The following GSE1 variants were observed in gnomAD, a reference collection of about 807,000 sequenced individuals.
The protein encoded by GSE1 is Gse1 coiled-coil protein, also known as genetic suppressor element 1.
In GSE1, 32 loss-of-function variants were observed where a neutral mutation model predicts 112.6. The ratio of observed to expected loss-of-function variants is 0.28; its 90% CI spans 0.21 to 0.38. GSE1 has a LOEUF of 0.38. GSE1 is among the 10% of genes least tolerant of loss of function. The pLI is 1.00. For synonymous variants in GSE1, 1,115 were observed against 735.6 expected (o/e 1.52, Z -8.35); for missense variants, 2,348 against 1,699.2 (o/e 1.38, Z -6.71).
At chr16:85,422,513 C>T (rs896548165) in intron 2 of GSE1, among the ~76,000 whole-genome samples, 40 of 151,230 alleles carry the variant, frequency 2.6e-4, no homozygotes, top group Non-Finnish European at 1.5e-4. Context: ...GGAGGAGCAG[C>T]GTGCGGGAGT....
intron 1 of GSE1, among the ~76,000 whole-genome samples, chr16:85,259,177 G>A (rs984125224): frequency 5.9e-5 from 9 of 152,118 alleles, no homozygotes; most frequent in African/African-American, 2.2e-4. Context: ...GTCACCAGGG[G>A]CGGGGGCTCG....
rs140144665 is a variant in GSE1, at chr16:85,633,961, G to A, written c.55G>A (p.Ala19Thr). The change falls in exon 2 of 16, where the codon GCG (alanine) becomes ACG (threonine). Residue 19 changes from alanine to threonine, a missense_variant. By Grantham distance (58) the Ala-to-Thr change is moderately conservative (BLOSUM62 0). Transcript: ENST00000253458. The part of the protein sequence containing the change: ...KSPSLGMLST[A>T]TRTTATVNPL... ...CCCTTCGCTAGGGATGCTTTCCACC[G>A]CGACCAGGACCACCGCCACCGTCAA... 6.0e-5 allele frequency: 97 copies of A among 1,612,906 alleles called. No homozygotes were observed. Among genetic ancestry groups the A allele is most frequent in the Non-Finnish European group, 7.6e-5 (90 of 1,179,718 alleles).
At chr16:85,576,997 C>A (rs1162594290) in intron 1 of GSE1, among the ~76,000 whole-genome samples, 1 of 152,162 alleles carries the variant, frequency 6.6e-6, no homozygotes, top group Non-Finnish European at 1.5e-5. Flanking sequence ...TTGATTATCA[C>A]AGTCAGGACG....
At chr16:85,459,747 G>A (rs543180593) in intron 2 of GSE1, among the ~76,000 whole-genome samples, 4 of 152,204 alleles carry the variant, frequency 2.6e-5, no homozygotes, top group Non-Finnish European at 5.9e-5. Flanking sequence ...CGTGGCCTCG[G>A]GCAAGTCACT....
intron 13 of GSE1, among the ~76,000 whole-genome samples, chr16:85,666,917 G>A (rs1378345148): frequency 6.6e-6 from 1 of 152,234 alleles, no homozygotes; most frequent in Non-Finnish European, 1.5e-5. Flanking sequence ...AACAAAACTT[G>A]AATTTGCCAA....
In GSE1 at chr16:85,192,913, A is replaced by AC. The variant is rs531206388; in HGVS notation, c.2283+21110dup. Among the ~76,000 whole-genome samples, 16 of 152,192 alleles carry AC rather than the reference A, an allele frequency of 1.1e-4. No individual in the cohort carries two copies. The South Asian group carries it at 3.3e-3, about 32-fold the overall frequency. On this transcript the variant is annotated intron_variant, in intron 1 of 2. Transcript: ENST00000637419. ...GTAAATGCCCTCGCAAACAAGAGTG[A>AC]CCCCTGTTCTTGGTTCTGCTGGCTG...
At chr16:85,222,414 G>A (rs915408435) in intron 1 of GSE1, among the ~76,000 whole-genome samples, 4 of 152,162 alleles carry the variant, frequency 2.6e-5, no homozygotes, top group Non-Finnish European at 5.9e-5. Flanking sequence ...AAATGGGGTC[G>A]GCACATTCCA....
chr16:85,400,761 C>G (rs1158705836), intron 2 of GSE1, among the ~76,000 whole-genome samples: 1 of 145,750 alleles, frequency 6.9e-6, no homozygotes, highest in Non-Finnish European at 1.5e-5. Context: ...GCACGTGTGT[C>G]TCTGTGATGT....
At position 85,393,928 on chromosome 16, in the gene GSE1, C is replaced by T. The variant is rs543812402; in HGVS notation, c.2464+36285C>T. ...GCGCCCGGCAGTCCTGATGCAGGCC[C>T]ACTGGGGCGGGGCTGGGCTGGGGAA... On this transcript the variant is annotated intron_variant, in intron 2 of 2. Transcript: ENST00000637419. Among the ~76,000 whole-genome samples the T allele has an allele frequency of 2.9e-3, 447 of 152,220 alleles. 1 individual carries two copies. Among genetic ancestry groups the T allele is most frequent in the Non-Finnish European group, 5.4e-3 (370 of 67,986 alleles).
chr16:85,367,950 A>G (rs1355295894), intron 2 of GSE1, among the ~76,000 whole-genome samples: 1 of 149,306 alleles, frequency 6.7e-6, no homozygotes, highest in Non-Finnish European at 1.5e-5. Context: ...CCTGGGTTCA[A>G]GTGATTCTCC....
intron 2 of GSE1, among the ~76,000 whole-genome samples, chr16:85,475,318 G>C (rs531248689): frequency 2.0e-5 from 3 of 152,206 alleles, no homozygotes; most frequent in Non-Finnish European, 4.4e-5. Context: ...ATCAGTGCTG[G>C]GGGCCCCTCA....
intron 1 of GSE1, among the ~76,000 whole-genome samples, chr16:85,559,996 G>A (rs1349798061): frequency 6.6e-6 from 1 of 152,122 alleles, no homozygotes; most frequent in Non-Finnish European, 1.5e-5. Flanking sequence ...CACTGAAGAT[G>A]GTGCCTGGGA....
chr16:85,661,384 C>G lies in GSE1; in HGVS notation c.1879C>G (p.Arg627Gly). The change falls in exon 9 of 16, where the codon CGG (arginine) becomes GGG (glycine). Residue 627 changes from arginine to glycine, a missense_variant. Transcript: ENST00000253458. Reference sequence around the variant, plus strand: ...AGCCGTGCCGCTGGTGAAGGTGGAGCGGGTCTTCTGCCCGGAGAAAGCAGA... The same window carrying G: ...AGCCGTGCCGCTGGTGAAGGTGGAGGGGGTCTTCTGCCCGGAGAAAGCAGA... ...QAAVPLVKVE[R>G]VFCPEKAEEG... 6.2e-7 allele frequency: 1 copy of G among 1,612,306 alleles called. No individual in the cohort carries two copies. The highest frequency in any genetic ancestry group is 8.5e-7 in the Non-Finnish European group (1 of 1,179,722).
Position 85,577,769 on chromosome 16 carries a change from C to T in GSE1, c.37+21406C>T, listed in dbSNP as rs547874439. Among the ~76,000 whole-genome samples the T allele has an allele frequency of 4.7e-4, 72 of 152,324 alleles. 1 individual carries two copies. The highest frequency in any genetic ancestry group is 1.0e-3 in the South Asian group (5 of 4,828). ...CTTGCCCAGGAGTTTTAGGAAGAAG[C>T]CCGGGTCCCCCACCCCAGCAGGGCA... On this transcript the variant is annotated intron_variant, in intron 1 of 2. Transcript: ENST00000635906.
chr16:85,601,654 G>A (rs1326369453), intron 1 of GSE1, among the ~76,000 whole-genome samples: 2 of 152,170 alleles, frequency 1.3e-5, no homozygotes, highest in African/African-American at 4.8e-5. Context: ...AAACAACTTT[G>A]TCCATCTAAC....
intron 1 of GSE1, among the ~76,000 whole-genome samples, chr16:85,591,642 C>A (rs1047583953): frequency 1.6e-4 from 25 of 152,350 alleles, no homozygotes; most frequent in Non-Finnish European, 3.5e-4. Flanking sequence ...GTGCTGGGGG[C>A]TCCTGGCTGC....
intron 1 of GSE1, among the ~76,000 whole-genome samples, chr16:85,293,481 G>C (rs2045280423): frequency 6.6e-6 from 1 of 152,178 alleles, no homozygotes; most frequent in African/African-American, 2.4e-5. Flanking sequence ...GGGAGGTGGA[G>C]GTTACAGTGA....
intron 2 of GSE1, among the ~76,000 whole-genome samples, chr16:85,458,395 C>T (rs905717107): frequency 6.6e-6 from 1 of 152,216 alleles, no homozygotes; most frequent in Non-Finnish European, 1.5e-5. Flanking sequence ...GGGGAGCCCT[C>T]GACAGCTGGA....
chr16:85,272,058 C>T (rs1567653617), intron 1 of GSE1, among the ~76,000 whole-genome samples: 1 of 152,220 alleles, frequency 6.6e-6, no homozygotes, highest in Non-Finnish European at 1.5e-5. Context: ...ATGGTGCCGC[C>T]AGCCTGAGGG....
Sources: gnomAD v4.1 joint callset for allele counts (sites outside exome capture counted in the v4.1 genomes callset) on GRCh38, gnomAD v4.1.1 for gene constraint, MANE v1.5 for transcripts, NCBI Gene and HGNC (gene_info 2026-07-23, HGNC 2026-07-21) for gene names.